The following SHROOM3 variants were observed in gnomAD, a reference collection of about 807,000 sequenced individuals.
SHROOM3 encodes the protein shroom family member 3.
A neutral mutation model predicts 138.6 loss-of-function variants in SHROOM3; 47 were observed. That is an observed-to-expected ratio of 0.34 (90% CI 0.27 to 0.43). The LOEUF (loss-of-function observed/expected upper bound fraction) is 0.43, where lower values mean the gene tolerates loss of function less well. Ranked by LOEUF, SHROOM3 falls within the 20% of genes least tolerant of loss-of-function variation. The pLI is 1.00. For synonymous variants in SHROOM3, 1,062 were observed against 1,063.3 expected (o/e 1.00, Z 0.02); for missense variants, 2,491 against 2,596.5 (o/e 0.96, Z 0.88).
chr4:76,668,162 GCT>G (rs1009749056), intron 2 of SHROOM3, among the ~76,000 whole-genome samples: 4 of 151,880 alleles, frequency 2.6e-5, no homozygotes, highest in African/African-American at 7.3e-5. Flanking sequence ...AGACTCCGGC[GCT>G]CCCCATGGCC....
intron 7 of SHROOM3, among the ~76,000 whole-genome samples, chr4:76,755,795 G>A (rs1721789234): frequency 6.6e-6 from 1 of 152,140 alleles, no homozygotes; most frequent in Admixed American, 6.6e-5. Context: ...TAAAGAGTAG[G>A]GCTCAAGGTC....
chr4:76,687,046 C>T (rs1359867384), intron 2 of SHROOM3, among the ~76,000 whole-genome samples: 1 of 151,748 alleles, frequency 6.6e-6, no homozygotes, highest in African/African-American at 2.4e-5. Flanking sequence ...GTGGCTTTGG[C>T]GAAGGAAAGG....
intron 10 of SHROOM3, among the ~76,000 whole-genome samples, chr4:76,777,417 C>T (rs1293218113): frequency 1.3e-5 from 2 of 152,164 alleles, no homozygotes; most frequent in Admixed American, 6.5e-5. Context: ...TGGTGTATAG[C>T]AGTGCTACTT....
chr4:76,449,727 T>A (rs1032066721), intron 1 of SHROOM3, among the ~76,000 whole-genome samples: 2 of 152,220 alleles, frequency 1.3e-5, no homozygotes. Context: ...AGATTTTGTG[T>A]CATATAATTC....
chr4:76,463,786 A>G (rs1026671167), intron 1 of SHROOM3, among the ~76,000 whole-genome samples: 10 of 152,242 alleles, frequency 6.6e-5, no homozygotes, highest in African/African-American at 2.4e-4. Context: ...CCATTATTTC[A>G]GAGACTGCAA....
intron 2 of SHROOM3, among the ~76,000 whole-genome samples, chr4:76,706,852 T>A (rs1720070114): frequency 6.6e-6 from 1 of 152,218 alleles, no homozygotes. Flanking sequence ...ATAGCCAGTG[T>A]GCTGCACTGC....
At position 76,740,981 on chromosome 4, in the gene SHROOM3, G is replaced by A; in HGVS notation, c.2808G>A (p.Leu936=). 1 of 1,494,140 alleles carries A rather than the reference G, an allele frequency of 6.7e-7. No individual in the cohort carries two copies. Among genetic ancestry groups the A allele is most frequent in the African/African-American group, 1.4e-5 (1 of 70,994 alleles). The allele number at this position is 1,494,140 out of a possible 1,614,324, so 92.6% of individuals were successfully genotyped here. ...TCAAGGACGCACAGTCCCGTGTCTTGGGGGCCACCTCCTTTCGACGTCGAG... is the reference window on the plus strand; with the variant it reads ...TCAAGGACGCACAGTCCCGTGTCTTAGGGGCCACCTCCTTTCGACGTCGAG... ...NSIKDAQSRV[L]GATSFRRRDL... The change falls in exon 5 of 11, where the codon TTG becomes TTA. Residue 936 remains leucine (L), a synonymous_variant. Transcript: ENST00000296043. This position sits in a 1 kb window ranked among gnomAD's most constrained non-coding sequence, Gnocchi z 4.0.
At chr4:76,518,298 C>T (rs542650662) in intron 1 of SHROOM3, among the ~76,000 whole-genome samples, 34 of 152,112 alleles carry the variant, frequency 2.2e-4, no homozygotes, top group Middle Eastern at 3.2e-3. Context: ...TTTATTCATT[C>T]GTAGTGTCCT....
intron 2 of SHROOM3, among the ~76,000 whole-genome samples, chr4:76,632,244 C>G (rs1309411023): frequency 6.6e-6 from 1 of 152,072 alleles, no homozygotes; most frequent in Non-Finnish European, 1.5e-5. Context: ...TGAGAATTAC[C>G]AACTTTGTAT....
chr4:76,455,483 C>G (rs13146564), intron 1 of SHROOM3, among the ~76,000 whole-genome samples: 2 of 151,718 alleles, frequency 1.3e-5, no homozygotes, highest in Non-Finnish European at 2.9e-5. Context: ...AAATATTTAC[C>G]TAGCAAAAAC....
At chr4:76,644,016 G>A (rs909223466) in intron 2 of SHROOM3, among the ~76,000 whole-genome samples, 2 of 151,716 alleles carry the variant, frequency 1.3e-5, no homozygotes, top group Non-Finnish European at 2.9e-5. Flanking sequence ...GGCTAATTTT[G>A]TATTTTTAGT....
intron 1 of SHROOM3, among the ~76,000 whole-genome samples, chr4:76,521,499 T>G (rs1732564942): frequency 6.6e-6 from 1 of 152,250 alleles, no homozygotes; most frequent in African/African-American, 2.4e-5. Flanking sequence ...AATTGTTCTA[T>G]ACAGTCATCC....
intron 1 of SHROOM3, among the ~76,000 whole-genome samples, chr4:76,504,011 A>T (rs536070900): frequency 6.6e-6 from 1 of 152,158 alleles, no homozygotes; most frequent in African/African-American, 2.4e-5. Flanking sequence ...CAAAAACTCC[A>T]TGAACAAAAA....
chr4:76,590,763 C>T (rs1450473809), intron 2 of SHROOM3, among the ~76,000 whole-genome samples: 1 of 151,850 alleles, frequency 6.6e-6, no homozygotes, highest in Non-Finnish European at 1.5e-5. Context: ...AACAAGTTTC[C>T]AAGGCTGTGG....
intron 1 of SHROOM3, among the ~76,000 whole-genome samples, chr4:76,545,697 C>G (rs1174649773): frequency 6.6e-6 from 1 of 152,178 alleles, no homozygotes; most frequent in African/African-American, 2.4e-5. Context: ...TGAAACAAAC[C>G]TCTATGGAGT....
At chr4:76,561,989 C>T (rs1397635803) in intron 2 of SHROOM3, among the ~76,000 whole-genome samples, 1 of 151,906 alleles carries the variant, frequency 6.6e-6, no homozygotes, top group African/African-American at 2.4e-5. Flanking sequence ...CCAGCTTGGG[C>T]AACAAGAGCG....
chr4:76,554,809 G>C (rs58152434), intron 1 of SHROOM3, among the ~76,000 whole-genome samples: 195 of 152,226 alleles, frequency 1.3e-3, no homozygotes, highest in African/African-American at 4.4e-3. Flanking sequence ...CGCACAGTAG[G>C]AGTGGATGAG....
chr4:76,606,358 T>A (rs1023797890), intron 2 of SHROOM3, among the ~76,000 whole-genome samples: 1 of 151,544 alleles, frequency 6.6e-6, no homozygotes, highest in African/African-American at 2.4e-5. Flanking sequence ...TACTACCGAC[T>A]GCTGCTTACC....
chr4:76,780,450 T>C lies in SHROOM3; in HGVS notation c.*1273T>C, dbSNP rs987184169. 3.9e-5 allele frequency: 6 copies of C among 151,942 alleles called. No homozygotes were observed. The highest frequency in any genetic ancestry group is 8.8e-5 in the Non-Finnish European group (6 of 67,998). 9.4% of individuals were successfully genotyped at this position (151,942 alleles called of 1,614,324 possible). A position where few individuals can be genotyped will look rare whatever the true frequency, so the allele number is the denominator to read the frequency against. On this transcript the variant is annotated 3_prime_UTR_variant, in exon 11 of 11. Transcript: ENST00000296043. ...GATTTGTTTTTTCACGTTTGATCTG[T>C]GGCTGGTGGCCACCTTTGTTGATTT...
Sources: gnomAD v4.1 joint callset for allele counts (sites outside exome capture counted in the v4.1 genomes callset) on GRCh38, gnomAD v4.1.1 for gene constraint, Gnocchi (gnomAD v3.1) non-coding constraint, MANE v1.5 for transcripts, NCBI Gene and HGNC (gene_info 2026-07-23, HGNC 2026-07-21) for gene names.